Variants in CADM2 observed in about 807,000 individuals in gnomAD.
CADM2 encodes cell adhesion molecule 2.
A neutral mutation model predicts 49.8 loss-of-function variants in CADM2; 12 were observed. That is an observed-to-expected ratio of 0.24 (90% CI 0.15 to 0.39). The LOEUF (loss-of-function observed/expected upper bound fraction) is 0.39. Among genes scored for constraint, CADM2 ranks in the 10% least tolerant of loss-of-function variants. The pLI, the probability that CADM2 is intolerant of heterozygous loss-of-function variation, is 1.00. For synonymous variants in CADM2, 214 were observed against 175.4 expected, an observed-to-expected ratio of 1.22 and a Z score of -1.74; for missense variants, 378 against 492.3, an observed-to-expected ratio of 0.77 and a Z score of 2.20.
At chr3:85,968,849 G>A (rs1725771806) in intron 8 of CADM2, among the ~76,000 whole-genome samples, 1 of 151,670 alleles carries the variant, frequency 6.6e-6, no homozygotes, top group African/African-American at 2.4e-5. Context: ...CAGAAACAAT[G>A]GCATTCCTAA....
intron 1 of CADM2, among the ~76,000 whole-genome samples, chr3:85,096,725 C>A (rs2037811285): frequency 6.6e-6 from 1 of 152,032 alleles, no homozygotes; most frequent in Admixed American, 6.6e-5. Flanking sequence ...TGATATAGAT[C>A]TCTAAACATT....
chr3:85,919,921 T>C (rs935821254), intron 6 of CADM2, among the ~76,000 whole-genome samples: 2 of 151,952 alleles, frequency 1.3e-5, no homozygotes, highest in African/African-American at 2.4e-5. Context: ...GTTGTTCGTA[T>C]CTTCTTTTTA....
intron 8 of CADM2, among the ~76,000 whole-genome samples, chr3:86,036,050 AT>A (rs1463749960): frequency 6.6e-6 from 1 of 152,040 alleles, no homozygotes; most frequent in African/African-American, 2.4e-5. Context: ...TTGCAACCTA[AT>A]TGCCTTTTAA....
intron 1 of CADM2, among the ~76,000 whole-genome samples, chr3:85,725,902 A>G (rs916015095): frequency 3.9e-5 from 6 of 152,062 alleles, no homozygotes; most frequent in African/African-American, 1.2e-4. Context: ...AATATTTTAC[A>G]GCACAGATTC....
At chr3:85,842,324 G>A (rs1446453372) in intron 3 of CADM2, among the ~76,000 whole-genome samples, 1 of 152,122 alleles carries the variant, frequency 6.6e-6, no homozygotes, top group East Asian at 1.9e-4. Context: ...AGGAACAACA[G>A]CTGAGGTGAT....
chr3:85,906,964 T>G (rs751305700), intron 5 of CADM2, among the ~76,000 whole-genome samples: 1 of 152,202 alleles, frequency 6.6e-6, no homozygotes, highest in South Asian at 2.1e-4. Context: ...ATAGTTACTT[T>G]AGGTCAGTTA....
chr3:85,851,773 T>C (rs1438525478), intron 3 of CADM2, among the ~76,000 whole-genome samples: 1 of 151,208 alleles, frequency 6.6e-6, no homozygotes, highest in African/African-American at 2.4e-5. Context: ...TCTAGAGAGA[T>C]TTTAGAAGTA....
rs545505301 is a variant in CADM2, at chr3:86,025,467, A to G, written c.971-40138A>G. ...TTGTTAATTCCAAGCTTGTAGTCAC[A>G]TACAGTTTAAAGTGTTCTTATTTTT... On this transcript the variant is annotated intron_variant, in intron 8 of 9. Coordinates refer to ENST00000383699, the MANE Select transcript of CADM2 (RefSeq NM_001167675.2). Among the ~76,000 whole-genome samples, 12 of 152,216 alleles carry G rather than the reference A, an allele frequency of 7.9e-5. No individual in the cohort carries two copies. The South Asian group carries it at 1.4e-3, about 18-fold the overall frequency.
chr3:85,378,992 G>C, intron 1 of CADM2, among the ~76,000 whole-genome samples: 1 of 151,932 alleles, frequency 6.6e-6, no homozygotes, highest in Non-Finnish European at 1.5e-5. Flanking sequence ...CATCAATGTA[G>C]TATATGTAAT....
chr3:85,108,533 G>A (rs1017599368), intron 1 of CADM2, among the ~76,000 whole-genome samples: 13 of 152,230 alleles, frequency 8.5e-5, no homozygotes, highest in Non-Finnish European at 1.9e-4. Flanking sequence ...ACCAGAGGCT[G>A]GGTGAGGAGA....
At chr3:85,648,084 C>A (rs537631560) in intron 1 of CADM2, among the ~76,000 whole-genome samples, 1 of 151,828 alleles carries the variant, frequency 6.6e-6, no homozygotes, top group African/African-American at 2.4e-5. Flanking sequence ...AACTTTAATA[C>A]AGATTTTTGC....
intron 6 of CADM2, 82 bp downstream of exon 6, chr3:85,912,625 A>T (rs1357301217): frequency 1.5e-6 from 2 of 1,374,410 alleles, no homozygotes; most frequent in Admixed American, 4.0e-5. Flanking sequence ...AAACTACCTG[A>T]AGTTATAGCA....
At chr3:85,788,939 ATATAT>A (rs1035283915) in intron 2 of CADM2, among the ~76,000 whole-genome samples, 17 of 152,192 alleles carry the variant, frequency 1.1e-4, no homozygotes, top group Admixed American at 3.9e-4. Flanking sequence ...AATTTTTAAA[ATATAT>A]TATAATTCAG....
At chr3:85,300,641 A>G (rs994802160) in intron 1 of CADM2, among the ~76,000 whole-genome samples, 2 of 152,118 alleles carry the variant, frequency 1.3e-5, no homozygotes, top group African/African-American at 2.4e-5. Flanking sequence ...GCTATGTGCT[A>G]TGGAACAACC....
At chr3:85,029,544 A>G (rs1462927760) in intron 1 of CADM2, among the ~76,000 whole-genome samples, 2 of 152,220 alleles carry the variant, frequency 1.3e-5, no homozygotes, top group Non-Finnish European at 2.9e-5. Context: ...ATGAATTTGA[A>G]AGGTATATAT....
At chr3:85,353,676 A>G (rs963652880) in intron 1 of CADM2, among the ~76,000 whole-genome samples, 5 of 151,806 alleles carry the variant, frequency 3.3e-5, no homozygotes, top group African/African-American at 4.8e-5. Flanking sequence ...TGCTACATCA[A>G]TTGATTTGCA....
At chr3:85,250,744 A>G (rs1021598204) in intron 1 of CADM2, among the ~76,000 whole-genome samples, 2 of 151,790 alleles carry the variant, frequency 1.3e-5, no homozygotes, top group African/African-American at 4.8e-5. Flanking sequence ...GTTTTTACAG[A>G]TGGATAATAG....
intron 8 of CADM2, among the ~76,000 whole-genome samples, chr3:86,036,818 T>A (rs1384303014): frequency 6.6e-6 from 1 of 152,152 alleles, no homozygotes; most frequent in Non-Finnish European, 1.5e-5. Context: ...ATAGAACAGA[T>A]GGTGATGGTG....
intron 1 of CADM2, among the ~76,000 whole-genome samples, chr3:85,405,926 T>TAAATA (rs1405225130): frequency 8.6e-5 from 13 of 151,302 alleles, no homozygotes; most frequent in Non-Finnish European, 1.9e-4. Flanking sequence ...AAAAATAAAA[T>TAAATA]AAATAAAATA....
Sources: gnomAD v4.1 joint callset for allele counts (sites outside exome capture counted in the v4.1 genomes callset) on GRCh38, gnomAD v4.1.1 for gene constraint, MANE v1.5 for transcripts, NCBI Gene and HGNC (gene_info 2026-07-23, HGNC 2026-07-21) for gene names.